Variants in CYP7B1 observed in about 807,000 individuals in gnomAD.
CYP7B1 encodes cytochrome P450 family 7 subfamily B member 1, also known as cytochrome P450 7B1.
In CYP7B1, 29 loss-of-function variants were observed where a neutral mutation model predicts 42.7. That is an observed-to-expected ratio of 0.68 (90% CI 0.51 to 0.93). CYP7B1 has a LOEUF of 0.93. CYP7B1 is among the 40% of genes least tolerant of loss of function. The pLI, the probability that CYP7B1 is intolerant of heterozygous loss-of-function variation, is 0.00. For missense variants in CYP7B1, 655 were observed against 600.5 expected (o/e 1.09, Z -0.95); for synonymous variants, 235 against 218.2 (o/e 1.08, Z -0.68).
At chr8:64,731,705 C>G (rs1017676281) in intron 1 of CYP7B1, among the ~76,000 whole-genome samples, 3 of 152,228 alleles carry the variant, frequency 2.0e-5, no homozygotes, top group Admixed American at 6.5e-5. Flanking sequence ...CCCCTCTCAT[C>G]ATAGGCCCAG....
At chr8:64,742,628 G>T (rs1276892924) in intron 1 of CYP7B1, among the ~76,000 whole-genome samples, 2 of 152,084 alleles carry the variant, frequency 1.3e-5, no homozygotes, top group Non-Finnish European at 2.9e-5. Flanking sequence ...TGTCCACAGG[G>T]TTAGTCCAAG....
Position 64,673,470 on chromosome 8 carries a change from CT to C in CYP7B1, c.123-48932del, listed in dbSNP as rs746585050. Among the ~76,000 whole-genome samples, 64 of 152,214 alleles carry C rather than the reference CT, an allele frequency of 4.2e-4. 1 individual carries two copies. The highest frequency in any genetic ancestry group is 6.7e-4 in the African/African-American group (28 of 41,550). On this transcript the variant is annotated intron_variant, in intron 1 of 5. Transcript: ENST00000310193. ...CCTGCTCTGGACTTGGTCCTCCCTT[CT>C]TTTTGTGTGGCTGCTGCATTAACAC...
intron 4 of CYP7B1, among the ~76,000 whole-genome samples, chr8:64,612,939 A>G (rs929379681): frequency 2.0e-5 from 3 of 152,124 alleles, no homozygotes; most frequent in Non-Finnish European, 4.4e-5. Flanking sequence ...AGCTATGACT[A>G]TGTGCAGAGG....
chr8:64,739,829 T>C (rs1005280054), intron 1 of CYP7B1, among the ~76,000 whole-genome samples: 4 of 152,126 alleles, frequency 2.6e-5, no homozygotes, highest in Non-Finnish European at 5.9e-5. Flanking sequence ...ATAAGAATTA[T>C]GGTAGACTTC....
At chr8:64,675,393 T>C (rs1489997990) in intron 1 of CYP7B1, among the ~76,000 whole-genome samples, 3 of 151,406 alleles carry the variant, frequency 2.0e-5, no homozygotes, top group Non-Finnish European at 4.4e-5. Flanking sequence ...CAATGAAAAC[T>C]GCAAGATGTG....
At chr8:64,655,171 A>G (rs9643570) in intron 1 of CYP7B1, among the ~76,000 whole-genome samples, 112,466 of 152,088 alleles carry the variant, frequency 0.74, 41,920 homozygotes, top group African/African-American at 0.83. Flanking sequence ...ATTGACAAAC[A>G]GGATCTAAGT....
intron 1 of CYP7B1, among the ~76,000 whole-genome samples, chr8:64,777,369 T>C (rs1301852882): frequency 6.6e-6 from 1 of 152,014 alleles, no homozygotes; most frequent in Non-Finnish European, 1.5e-5. Context: ...TAGTAAAAAA[T>C]ATGCTCAAGC....
chr8:64,786,014 A>G (rs62521148), intron 1 of CYP7B1, among the ~76,000 whole-genome samples: 40,931 of 152,028 alleles, frequency 0.27, 6,807 homozygotes, highest in African/African-American at 0.47. Flanking sequence ...GAGAACTCAC[A>G]CACTATCATG....
At chr8:64,745,824 C>T (rs965140968) in intron 1 of CYP7B1, among the ~76,000 whole-genome samples, 2 of 152,158 alleles carry the variant, frequency 1.3e-5, no homozygotes, top group Admixed American at 6.6e-5. Flanking sequence ...CTCTATAGTA[C>T]GCTTGGGTAG....
intron 1 of CYP7B1, among the ~76,000 whole-genome samples, chr8:64,669,746 CAT>C (rs1391586396): frequency 1.1e-4 from 16 of 151,798 alleles, no homozygotes; most frequent in Admixed American, 2.0e-4. Context: ...CACACACACA[CAT>C]ACACACACCC....
At chr8:64,598,542 C>T (rs1056281717) in intron 5 of CYP7B1, among the ~76,000 whole-genome samples, 12 of 152,132 alleles carry the variant, frequency 7.9e-5, no homozygotes, top group African/African-American at 2.9e-4. Flanking sequence ...ACTAGTTAAG[C>T]CAGCAAACGC....
At chr8:64,796,519 G>C (rs1804704285) in intron 1 of CYP7B1, among the ~76,000 whole-genome samples, 1 of 152,154 alleles carries the variant, frequency 6.6e-6, no homozygotes, top group South Asian at 2.1e-4. Flanking sequence ...CACTACATTA[G>C]TAGTAACATA....
chr8:64,790,060 T>C (rs1191670546), intron 1 of CYP7B1, among the ~76,000 whole-genome samples: 1 of 152,128 alleles, frequency 6.6e-6, no homozygotes, highest in Non-Finnish European at 1.5e-5. Flanking sequence ...AACTACAAAA[T>C]GGAAATGACA....
intron 1 of CYP7B1, among the ~76,000 whole-genome samples, chr8:64,729,612 GAAGACATTTT>G (rs772682203): frequency 2.6e-5 from 4 of 152,272 alleles, no homozygotes; most frequent in Non-Finnish European, 4.4e-5. Flanking sequence ...TAAAACACCA[GAAGACATTTT>G]AAGCGTGAGA....
chr8:64,683,752 A>C (rs118169648), intron 1 of CYP7B1, among the ~76,000 whole-genome samples: 2 of 152,154 alleles, frequency 1.3e-5, no homozygotes, highest in South Asian at 2.1e-4. Flanking sequence ...CAAAAATAAA[A>C]ATAAACAGTG....
intron 1 of CYP7B1, among the ~76,000 whole-genome samples, chr8:64,678,948 T>C (rs1161818956): frequency 6.6e-6 from 1 of 151,840 alleles, no homozygotes; most frequent in Non-Finnish European, 1.5e-5. Context: ...TGCCAGATTC[T>C]GAAAAGCAAG....
In CYP7B1 at chr8:64,770,385, A is replaced by C. The variant is rs370775345; in HGVS notation, c.122+28081T>G. Among the ~76,000 whole-genome samples the C allele has an allele frequency of 4.1e-4, 62 of 152,330 alleles. 3 individuals carry two copies. The South Asian group carries it at 0.012, about 31-fold the overall frequency. The stretch of plus-strand genomic sequence containing the variant: ...TAAAGAGGGTGAAGAACTTGTCTTC[A>C]ATCTCAGAGCTGAGATATGATGGAA... On this transcript the variant is annotated intron_variant, in intron 1 of 5. Coordinates refer to ENST00000310193, the MANE Select transcript of CYP7B1 (RefSeq NM_004820.5).
intron 1 of CYP7B1, among the ~76,000 whole-genome samples, chr8:64,790,518 G>C (rs997726306): frequency 6.6e-6 from 1 of 152,170 alleles, no homozygotes; most frequent in Non-Finnish European, 1.5e-5. Flanking sequence ...GCTAAAGGAA[G>C]GACATGCTTA....
intron 1 of CYP7B1, among the ~76,000 whole-genome samples, chr8:64,769,722 G>C (rs1277266428): frequency 2.6e-5 from 4 of 152,094 alleles, no homozygotes; most frequent in Non-Finnish European, 4.4e-5. Context: ...GTTCTTCCAA[G>C]GCAAATTGAT....
Sources: allele counts gnomAD v4.1 joint callset (sites outside exome capture counted in the v4.1 genomes callset), GRCh38; gene constraint gnomAD v4.1.1; transcripts MANE v1.5; gene names NCBI Gene and HGNC (gene_info 2026-07-23, HGNC 2026-07-21).